Variants in BBOF1 observed in about 807,000 individuals in gnomAD.
BBOF1 encodes basal body-orientation factor 1.
BBOF1 carries 62 observed loss-of-function variants against 68.0 expected under a neutral mutation model. The observed-to-expected ratio is 0.91, with a 90% CI of 0.74 to 1.13. The LOEUF (loss-of-function observed/expected upper bound fraction) is 1.13, where lower values mean the gene tolerates loss of function less well. Among genes scored for constraint, BBOF1 ranks in the 50% most tolerant of loss-of-function variants. The pLI is 0.00. For synonymous variants in BBOF1, 208 were observed against 198.8 expected (o/e 1.05, Z -0.39); for missense variants, 534 against 600.1 (o/e 0.89, Z 1.15).
chr14:74,023,871 A>G (rs1176326829), intron 2 of BBOF1, among the ~76,000 whole-genome samples: 2 of 150,644 alleles, frequency 1.3e-5, no homozygotes, highest in Non-Finnish European at 3.0e-5. Flanking sequence ...AGCTGAGATC[A>G]TACCATTACA....
chr14:74,069,400 C>A (rs916090260), downstream of BBOF1: 2 of 251,678 alleles, frequency 7.9e-6, no homozygotes, highest in Admixed American at 5.1e-5. Flanking sequence ...CTGCATCAGG[C>A]CTGTGTTTTT....
At chr14:74,061,203 C>A (rs938897407) in intron 11 of BBOF1, among the ~76,000 whole-genome samples, 2 of 152,128 alleles carry the variant, frequency 1.3e-5, no homozygotes, top group Non-Finnish European at 2.9e-5. Flanking sequence ...GTCTCGAACT[C>A]CCGGCCTCAA....
chr14:74,059,437 T>A (rs2060290194), intron 11 of BBOF1: 1 of 454,654 alleles, frequency 2.2e-6, no homozygotes, highest in African/African-American at 2.0e-5. Flanking sequence ...GGCTCATGCC[T>A]GTAATCCCAG....
intron 11 of BBOF1, chr14:74,058,080 C>A (rs1015364220): frequency 8.5e-6 from 2 of 236,226 alleles, no homozygotes; most frequent in Admixed American, 6.5e-5. Context: ...GTAATCCCAG[C>A]ACTTTGGGAG....
downstream of BBOF1, chr14:74,068,964 C>A (rs761850051): frequency 6.2e-7 from 1 of 1,613,868 alleles, no homozygotes; most frequent in East Asian, 2.2e-5. Context: ...TCCGGATGAT[C>A]GCAAATAAAA....
chr14:74,059,834 C>T (rs2060301512), intron 11 of BBOF1: 1 of 154,062 alleles, frequency 6.5e-6, no homozygotes, highest in African/African-American at 2.4e-5. Context: ...ACTGAGGTAT[C>T]CTTGAGAAGT....
Position 74,060,682 on chromosome 14 carries a change from A to G in BBOF1, c.1578+3424A>G. On this transcript the variant is annotated intron_variant, in intron 11 of 11. Transcript: ENST00000394009. ...AGGCATGACAACAGCAGGTGAGGAAAGAGTAGCATCTTCTTCTTTCCACTG... is the reference window on the plus strand; with the variant it reads ...AGGCATGACAACAGCAGGTGAGGAAGGAGTAGCATCTTCTTCTTTCCACTG... 3 of 1,614,056 alleles carry G rather than the reference A, an allele frequency of 1.9e-6. 1 individual carries two copies. The highest frequency in any genetic ancestry group is 4.5e-5 in the East Asian group (2 of 44,878).
chr14:74,027,760 C>T (rs1475703653), intron 2 of BBOF1, among the ~76,000 whole-genome samples: 6 of 152,034 alleles, frequency 3.9e-5, no homozygotes, highest in Admixed American at 1.3e-4. Flanking sequence ...CAACCTGAAT[C>T]TACTCATGAA....
At chr14:74,044,523 C>T (rs115162952) in intron 5 of BBOF1, among the ~76,000 whole-genome samples, 1,835 of 148,074 alleles carry the variant, frequency 0.012, 37 homozygotes, top group African/African-American at 0.042. Context: ...AGTGCAGTGG[C>T]ACAACCATGG....
In BBOF1 at chr14:74,022,903, T is replaced by A; in HGVS notation, c.57-13T>A. On this transcript the variant is annotated splice_polypyrimidine_tract_variant and intron_variant, in intron 1 of 11. Coordinates refer to ENST00000394009, the MANE Select transcript of BBOF1 (RefSeq NM_025057.3). ...AAATAGTCATATACTGTCAATATCC[T>A]CTTCCCATGCAGGAAGTTAATAAAA... The A allele has an allele frequency of 2.7e-6, 4 of 1,505,970 alleles. No individual in the cohort carries two copies. Among genetic ancestry groups the A allele is most frequent in the African/African-American group, 1.4e-5 (1 of 72,564 alleles). The allele number at this position is 1,505,970 out of a possible 1,614,324, so 93.3% of individuals were successfully genotyped here. A position where few individuals can be genotyped will look rare whatever the true frequency, so the allele number is the denominator to read the frequency against.
chr14:74,068,856 T>TCACCA, downstream of BBOF1: 1 of 1,613,886 alleles, frequency 6.2e-7, no homozygotes, highest in South Asian at 1.1e-5. Flanking sequence ...GAATAAGAAG[T>TCACCA]CACCATATTG....
chr14:74,035,841 ACCTAG>A (rs2059686542), intron 4 of BBOF1, among the ~76,000 whole-genome samples: 1 of 149,342 alleles, frequency 6.7e-6, no homozygotes, highest in Admixed American at 6.9e-5. Flanking sequence ...CTTTTTCATG[ACCTAG>A]CCTTCAAAGT....
chr14:74,056,877 T>A (rs746564763), intron 9 of BBOF1, 29 bp from the exon 10 acceptor site: 1 of 1,505,700 alleles, frequency 6.6e-7, no homozygotes, highest in Non-Finnish European at 9.2e-7. Context: ...GCCTCATTCA[T>A]TATCTTTGTT....
chr14:74,081,670 T>G (rs1439324242), intron 12 of BBOF1, among the ~76,000 whole-genome samples: 4 of 152,070 alleles, frequency 2.6e-5, no homozygotes, highest in African/African-American at 9.7e-5. Flanking sequence ...TCCTGGTTCA[T>G]GGCCTGCTAG....
chr14:74,047,902 G>A, intron 6 of BBOF1, 28 bp from the exon 7 acceptor site: 1 of 1,569,970 alleles, frequency 6.4e-7, no homozygotes. Flanking sequence ...AGTTAGACCT[G>A]TGTTTTGAGA....
In BBOF1 at chr14:74,055,566, T is replaced by G; in HGVS notation, c.1287-18T>G. 6.4e-7 allele frequency: 1 copy of G among 1,558,348 alleles called. No individual in the cohort carries two copies. ...CGTATTTTTCCTTTTCACATTTTTT[T>G]CCTTTGAAATTCTTTAGGACACATA... On this transcript the variant is annotated intron_variant, in intron 8 of 11. Transcript: ENST00000394009.
downstream of BBOF1, chr14:74,071,084 AATCCTTTC>A: frequency 9.1e-7 from 1 of 1,098,528 alleles, no homozygotes; most frequent in East Asian, 2.4e-5. Context: ...AAAATGAGTA[AATCCTTTC>A]CTCCTTACAA....
intron 8 of BBOF1, among the ~76,000 whole-genome samples, chr14:74,053,204 C>T (rs1210202396): frequency 6.6e-6 from 1 of 151,554 alleles, no homozygotes; most frequent in African/African-American, 2.4e-5. Context: ...CCTCTGACTT[C>T]CGGGTTCAAG....
At chr14:74,036,053 A>G (rs1241979791) in intron 4 of BBOF1, among the ~76,000 whole-genome samples, 1 of 151,652 alleles carries the variant, frequency 6.6e-6, no homozygotes, top group Non-Finnish European at 1.5e-5. Flanking sequence ...CTTTTAAAAT[A>G]TCACAGTTCT....
Sources: gnomAD v4.1 joint callset for allele counts (sites outside exome capture counted in the v4.1 genomes callset) on GRCh38, gnomAD v4.1.1 for gene constraint, MANE v1.5 for transcripts, NCBI Gene and HGNC (gene_info 2026-07-23, HGNC 2026-07-21) for gene names.